Variants in DENND4C observed in about 807,000 individuals in gnomAD.
The protein encoded by DENND4C is DENN domain-containing protein 4C.
DENND4C carries 108 observed loss-of-function variants against 203.0 expected under a neutral mutation model. The ratio of observed to expected loss-of-function variants is 0.53; its 90% CI spans 0.46 to 0.62. The LOEUF (loss-of-function observed/expected upper bound fraction) is 0.62, where lower values mean the gene tolerates loss of function less well. DENND4C is among the 20% of genes least tolerant of loss of function. The pLI, the probability that DENND4C is intolerant of heterozygous loss-of-function variation, is 0.00. For missense variants in DENND4C, 2,481 were observed against 2,301.2 expected (o/e 1.08, Z -1.60); for synonymous variants, 871 against 792.4 (o/e 1.10, Z -1.67).
chr9:19,300,101 A>C, intron 8 of DENND4C, 86 bp from the exon 9 acceptor site: 6 of 1,323,150 alleles, frequency 4.5e-6, no homozygotes, highest in Non-Finnish European at 6.1e-6. Flanking sequence ...CTAGACTCTC[A>C]ATCTGTTGAT....
intron 1 of DENND4C, among the ~76,000 whole-genome samples, chr9:19,236,828 C>T (rs1194019764): frequency 2.6e-5 from 4 of 152,144 alleles, no homozygotes; most frequent in African/African-American, 4.8e-5. Flanking sequence ...TCCCTCAGAG[C>T]GTTTGCATAT....
chr9:19,287,912 A>G (rs4333703), intron 3 of DENND4C, among the ~76,000 whole-genome samples: 1 of 151,816 alleles, frequency 6.6e-6, no homozygotes, highest in African/African-American at 2.4e-5. Flanking sequence ...TTGTATGTTT[A>G]GTAGAGATGA....
intron 2 of DENND4C, among the ~76,000 whole-genome samples, chr9:19,282,414 C>T (rs1425252625): frequency 1.3e-5 from 2 of 151,690 alleles, no homozygotes; most frequent in Admixed American, 1.3e-4. Context: ...TATGCCACCA[C>T]TCCTGGCTAA....
At chr9:19,291,597 C>A (rs1404316343) in intron 5 of DENND4C, among the ~76,000 whole-genome samples, 1 of 151,096 alleles carries the variant, frequency 6.6e-6, no homozygotes, top group Non-Finnish European at 1.5e-5. Context: ...CCTGGCTACT[C>A]GGGAGGGTGA....
At chr9:19,337,707 C>A (rs1820788542) in intron 20 of DENND4C, 1 of 1,237,940 alleles carries the variant, frequency 8.1e-7, no homozygotes, top group Non-Finnish European at 1.1e-6. Context: ...ATTTTGCTGA[C>A]CTGCAAGGGT....
At chr9:19,273,724 C>A (rs1832257334) in intron 1 of DENND4C, among the ~76,000 whole-genome samples, 1 of 151,762 alleles carries the variant, frequency 6.6e-6, no homozygotes. Flanking sequence ...AAGTTGATAT[C>A]AGTACATACT....
At chr9:19,314,320 GC>G (rs1395618120) in intron 10 of DENND4C, among the ~76,000 whole-genome samples, 17 of 151,864 alleles carry the variant, frequency 1.1e-4, no homozygotes, top group African/African-American at 3.4e-4. Flanking sequence ...TGGGTGTGGT[GC>G]CACACGCCTG....
chr9:19,325,866 G>C, intron 13 of DENND4C, 73 bp from the exon 14 acceptor site: 1 of 1,447,306 alleles, frequency 6.9e-7, no homozygotes, highest in Non-Finnish European at 9.5e-7. Context: ...TTCTAAATCA[G>C]AATGTAAGAT....
At position 19,316,442 on chromosome 9, in the gene DENND4C, T is replaced by C. The variant is rs1390714148; in HGVS notation, c.1513T>C (p.Trp505Arg). The C allele has an allele frequency of 6.2e-7, 1 of 1,613,738 alleles. No individual in the cohort carries two copies. Among genetic ancestry groups the C allele is most frequent in the Non-Finnish European group, 8.5e-7 (1 of 1,179,872 alleles). Reference protein sequence around the residue: ...YVSDEKKNMNWKQLPKKPCKN... With the variant: ...YVSDEKKNMNRKQLPKKPCKN... ...ATCAGATGAAAAGAAGAACATGAACTGGAAGCAACTTCCCAAAAAGCCGTG... is the reference window on the plus strand; with the variant it reads ...ATCAGATGAAAAGAAGAACATGAACCGGAAGCAACTTCCCAAAAAGCCGTG... The change falls in exon 11 of 33, where the codon TGG (tryptophan) becomes CGG (arginine). Residue 505 changes from tryptophan (W) to arginine (R), a missense_variant. By Grantham distance (101) the Trp-to-Arg change is moderately radical (BLOSUM62 -3). Coordinates refer to ENST00000434457, the MANE Select transcript of DENND4C (RefSeq NM_001330640.2).
In DENND4C at chr9:19,279,201, C is replaced by T. The variant is rs1157824208; in HGVS notation, c.305+2722C>T. Among the ~76,000 whole-genome samples the T allele has an allele frequency of 3.0e-5, 4 of 132,300 alleles. 1 individual carries two copies. Among genetic ancestry groups the T allele is most frequent in the East Asian group, 5.3e-4 (2 of 3,778 alleles). The allele number at this position is 132,300 out of a possible 152,430, so 86.8% of individuals were successfully genotyped here. A position where few individuals can be genotyped will look rare whatever the true frequency, so the allele number is the denominator to read the frequency against. ...AAAATTAGCTGGGTGTGGCAGTGTGCGCCTGTAGTCCCAGCTACTCAGGAG... is the reference window on the plus strand; with the variant it reads ...AAAATTAGCTGGGTGTGGCAGTGTGTGCCTGTAGTCCCAGCTACTCAGGAG... On this transcript the variant is annotated intron_variant, in intron 2 of 32. Transcript: ENST00000434457.
chr9:19,316,520 A>G lies in DENND4C; in HGVS notation c.1588+3A>G, dbSNP rs375463948. On this transcript the variant is annotated splice_donor_region_variant and intron_variant, in intron 11 of 32. Transcript: ENST00000434457. ...ATTGTATCCCCAGCTGTCTTCAGGT[A>G]ATGTGAGGGAAAAGGAATATTATTA... 6.2e-7 allele frequency: 1 copy of G among 1,610,042 alleles called. No individual in the cohort carries two copies. The highest frequency in any genetic ancestry group is 1.3e-5 in the African/African-American group (1 of 74,818).
chr9:19,270,670 T>G lies in DENND4C; in HGVS notation c.-17-5488T>G, dbSNP rs560756969. Among the ~76,000 whole-genome samples the G allele has an allele frequency of 1.0e-3, 158 of 152,304 alleles. 1 individual carries two copies. Among genetic ancestry groups the G allele is most frequent in the Non-Finnish European group, 5.6e-4 (38 of 68,034 alleles). On this transcript the variant is annotated intron_variant, in intron 1 of 32. Coordinates refer to ENST00000434457, the MANE Select transcript of DENND4C (RefSeq NM_001330640.2). ...GCTTCTGTGACCAGTGATGAACATA[T>G]TTGTCTATTGGTCATTTGGGTATCT...
Position 19,372,267 on chromosome 9 carries a change from T to A in DENND4C, c.*94T>A. Reference sequence around the variant, plus strand: ...TTTTTTTCCAAATCGTAAGAACTGGTGAATACGGAATTGAAGTAACTCTTG... The same window carrying A: ...TTTTTTTCCAAATCGTAAGAACTGGAGAATACGGAATTGAAGTAACTCTTG... On this transcript the variant is annotated 3_prime_UTR_variant, in exon 33 of 33. Transcript: ENST00000434457. 6.9e-7 allele frequency: 1 copy of A among 1,457,130 alleles called. No homozygotes were observed. The highest frequency in any genetic ancestry group is 9.3e-7 in the Non-Finnish European group (1 of 1,074,142). The allele number at this position is 1,457,130 out of a possible 1,614,324, so 90.3% of individuals were successfully genotyped here. A position where few individuals can be genotyped will look rare whatever the true frequency, so the allele number is the denominator to read the frequency against.
chr9:19,318,662 C>T (rs1842238386), intron 12 of DENND4C, among the ~76,000 whole-genome samples: 1 of 152,166 alleles, frequency 6.6e-6, no homozygotes, highest in African/African-American at 2.4e-5. Flanking sequence ...TTGATTTCTT[C>T]TGAAGCCTCT....
At chr9:19,342,200 T>G (rs1265213886) in intron 21 of DENND4C, among the ~76,000 whole-genome samples, 1 of 152,098 alleles carries the variant, frequency 6.6e-6, no homozygotes, top group African/African-American at 2.4e-5. Context: ...AGAGATAATT[T>G]GTTGTAATCA....
intron 1 of DENND4C, among the ~76,000 whole-genome samples, chr9:19,249,618 T>C (rs988531140): frequency 6.6e-6 from 1 of 152,114 alleles, no homozygotes; most frequent in African/African-American, 2.4e-5. Flanking sequence ...AACAGTAAAA[T>C]AGTTATGAAT....
At chr9:19,258,427 CAT>C (rs998406426) in intron 1 of DENND4C, among the ~76,000 whole-genome samples, 30 of 152,166 alleles carry the variant, frequency 2.0e-4, no homozygotes, top group Admixed American at 5.2e-4. Context: ...TCCTCGTTAA[CAT>C]ATATAAAATT....
At chr9:19,335,840 A>C (rs531982610) in intron 18 of DENND4C, among the ~76,000 whole-genome samples, 1 of 152,092 alleles carries the variant, frequency 6.6e-6, no homozygotes. Flanking sequence ...TCTCTCTTCA[A>C]TATACTGATT....
rs1254196086 is a variant in DENND4C at position 19,363,887 on chromosome 9, G to A, written c.5524+1924G>A. Among the ~76,000 whole-genome samples, 4 of 151,948 alleles carry A rather than the reference G, an allele frequency of 2.6e-5. No homozygotes were observed. The East Asian group carries it at 5.8e-4, about 22-fold the overall frequency. ...AAATTAGCCAGGCTTGGTGATGCAC[G>A]CCTGTAATCCCAGCTACTCAGGAGG... On this transcript the variant is annotated intron_variant, in intron 30 of 32. Coordinates refer to ENST00000434457, the MANE Select transcript of DENND4C (RefSeq NM_001330640.2).
Sources: allele counts gnomAD v4.1 joint callset (sites outside exome capture counted in the v4.1 genomes callset), GRCh38; gene constraint gnomAD v4.1.1; transcripts MANE v1.5; gene names NCBI Gene and HGNC (gene_info 2026-07-23, HGNC 2026-07-21).